The following ERI3 variants were observed in gnomAD, a reference collection of about 807,000 sequenced individuals.
ERI3 encodes ERI1 exoribonuclease 3.
ERI3 carries 18 observed loss-of-function variants against 44.4 expected under a neutral mutation model. The observed-to-expected ratio is 0.41, with a 90% CI of 0.28 to 0.60. The LOEUF (loss-of-function observed/expected upper bound fraction) is 0.60. ERI3 is among the 20% of genes least tolerant of loss of function. ERI3 has a pLI of 0.36. For synonymous variants in ERI3, 183 were observed against 164.8 expected (o/e 1.11, Z -0.84); for missense variants, 294 against 435.5 (o/e 0.68, Z 2.89).
intron 2 of ERI3, 56 bp from the exon 3 acceptor site, chr1:44,339,378 A>G (rs1403964014): frequency 4.1e-6 from 6 of 1,467,592 alleles, no homozygotes; most frequent in East Asian, 2.4e-5. Context: ...GAAAAAAAAA[A>G]AAAGAACAGA....
intron 4 of ERI3, among the ~76,000 whole-genome samples, chr1:44,319,017 G>T (rs1295331237): frequency 6.6e-6 from 1 of 152,176 alleles, no homozygotes; most frequent in African/African-American, 2.4e-5. Context: ...TAAAATCTCA[G>T]TTAGGCCCAG....
At chr1:44,326,318 C>T (rs929630390) in intron 3 of ERI3, among the ~76,000 whole-genome samples, 6 of 152,140 alleles carry the variant, frequency 3.9e-5, no homozygotes, top group Admixed American at 3.9e-4. Context: ...GATCAAGAAG[C>T]CTCCTGGCCA....
chr1:44,256,443 G>C (rs1386477799), intron 7 of ERI3, among the ~76,000 whole-genome samples: 1 of 152,166 alleles, frequency 6.6e-6, no homozygotes, highest in African/African-American at 2.4e-5. Flanking sequence ...CAAAGGGATG[G>C]ACACTTGCAT....
chr1:44,324,826 A>T (rs1158346532), intron 3 of ERI3, among the ~76,000 whole-genome samples: 1 of 152,016 alleles, frequency 6.6e-6, no homozygotes, highest in Non-Finnish European at 1.5e-5. Flanking sequence ...TTCACAAACT[A>T]CCTACAGCAC....
intron 7 of ERI3, among the ~76,000 whole-genome samples, chr1:44,268,229 C>T (rs1170680788): frequency 6.6e-6 from 1 of 151,956 alleles, no homozygotes; most frequent in African/African-American, 2.4e-5. Context: ...AGGTGGAGAT[C>T]AGGTCTGAGT....
intron 1 of ERI3, chr1:44,353,504 A>G: frequency 1.0e-6 from 1 of 985,422 alleles, no homozygotes; most frequent in Non-Finnish European, 1.2e-6. Context: ...TGCCCCTGTT[A>G]GTGATGTCTT....
chr1:44,226,814 C>CACACACACAA (rs1644054430), intron 8 of ERI3, among the ~76,000 whole-genome samples: 1 of 150,430 alleles, frequency 6.6e-6, no homozygotes, highest in Non-Finnish European at 1.5e-5. Context: ...CACACACACA[C>CACACACACAA]AAACTATCCT....
intron 8 of ERI3, among the ~76,000 whole-genome samples, chr1:44,246,828 T>C (rs1262299609): frequency 6.6e-6 from 1 of 152,204 alleles, no homozygotes; most frequent in Non-Finnish European, 1.5e-5. Context: ...ATGTCTGGAA[T>C]GGATAAAGGA....
At chr1:44,340,064 A>C (rs1458294971) in intron 2 of ERI3, among the ~76,000 whole-genome samples, 1 of 151,780 alleles carries the variant, frequency 6.6e-6, no homozygotes, top group Non-Finnish European at 1.5e-5. Context: ...GGGACTTTTT[A>C]AATAGGGAAG....
intron 8 of ERI3, among the ~76,000 whole-genome samples, chr1:44,231,677 C>T (rs1346688368): frequency 3.3e-5 from 5 of 152,136 alleles, no homozygotes; most frequent in African/African-American, 1.2e-4. Flanking sequence ...ACCCAACAGC[C>T]ACCTGCTTCT....
At chr1:44,324,583 G>A (rs145456383) in intron 3 of ERI3, among the ~76,000 whole-genome samples, 8 of 144,262 alleles carry the variant, frequency 5.5e-5, no homozygotes, top group East Asian at 2.2e-4. Context: ...CCGGGTTCAC[G>A]CCATTCTCCT....
At chr1:44,238,867 C>T (rs1644368534) in intron 8 of ERI3, among the ~76,000 whole-genome samples, 2 of 152,056 alleles carry the variant, frequency 1.3e-5, no homozygotes, top group South Asian at 2.1e-4. Flanking sequence ...CTCACTTAGC[C>T]CTGTCAGCCA....
At chr1:44,307,145 A>G (rs1364309242) in intron 6 of ERI3, among the ~76,000 whole-genome samples, 2 of 152,092 alleles carry the variant, frequency 1.3e-5, no homozygotes, top group African/African-American at 4.8e-5. Context: ...TTGTGTACAC[A>G]CCTGATGGGT....
At chr1:44,346,843 C>T (rs999608669) in intron 2 of ERI3, among the ~76,000 whole-genome samples, 6 of 152,166 alleles carry the variant, frequency 3.9e-5, no homozygotes, top group Non-Finnish European at 7.4e-5. Flanking sequence ...GGATTCAATT[C>T]AACCGTGCGA....
chr1:44,240,087 T>C (rs929264948), intron 8 of ERI3, among the ~76,000 whole-genome samples: 1 of 152,238 alleles, frequency 6.6e-6, no homozygotes, highest in Non-Finnish European at 1.5e-5. Context: ...GGGACAGCTA[T>C]ACCCTCAGCC....
At chr1:44,225,890 G>A (rs552035580) in intron 8 of ERI3, among the ~76,000 whole-genome samples, 1 of 152,306 alleles carries the variant, frequency 6.6e-6, no homozygotes, top group East Asian at 1.9e-4. Context: ...AACATGCGCT[G>A]ACACCTTCTG....
chr1:44,267,444 G>T (rs1370546913), intron 7 of ERI3, among the ~76,000 whole-genome samples: 1 of 151,996 alleles, frequency 6.6e-6, no homozygotes. Flanking sequence ...CTTCCCTCAA[G>T]CCATAAAAAT....
intron 6 of ERI3, among the ~76,000 whole-genome samples, chr1:44,302,077 A>G (rs1484748375): frequency 3.3e-5 from 5 of 152,200 alleles, no homozygotes; most frequent in Admixed American, 3.3e-4. Context: ...CCTGTCGGCC[A>G]ATCAGAAGGC....
intron 3 of ERI3, among the ~76,000 whole-genome samples, chr1:44,332,197 G>C (rs1242257649): frequency 6.6e-6 from 1 of 152,098 alleles, no homozygotes; most frequent in Non-Finnish European, 1.5e-5. Flanking sequence ...TTAAAAGGCA[G>C]CTCAGTGTCA....
Sources: allele counts gnomAD v4.1 joint callset (sites outside exome capture counted in the v4.1 genomes callset), GRCh38; gene constraint gnomAD v4.1.1; transcripts MANE v1.5; gene names NCBI Gene and HGNC (gene_info 2026-07-23, HGNC 2026-07-21).